HERC2: variants seen among roughly 807,000 people sequenced by gnomAD.
The protein encoded by HERC2 is HECT and RLD domain containing E3 ubiquitin protein ligase 2.
HERC2 carries 102 observed loss-of-function variants against 537.7 expected under a neutral mutation model. That is an observed-to-expected ratio of 0.19 (90% CI 0.16 to 0.22). The LOEUF (loss-of-function observed/expected upper bound fraction) is 0.22, where lower values mean the gene tolerates loss of function less well. Ranked by LOEUF, HERC2 falls within the 10% of genes least tolerant of loss-of-function variation. The probability of loss-of-function intolerance (pLI) is 1.00; values close to 1 mark genes in which losing one functional copy is unlikely to be tolerated. For synonymous variants in HERC2, 2,224 were observed against 2,466.2 expected (o/e 0.90, Z 2.91); for missense variants, 4,236 against 6,198.2 (o/e 0.68, Z 10.63).
intron 3 of HERC2, among the ~76,000 whole-genome samples, chr15:28,294,400 A>T (rs952934162): frequency 6.7e-6 from 1 of 150,020 alleles, no homozygotes. Flanking sequence ...ACTGCTAAAC[A>T]CTAAGGACAA....
Position 28,215,604 on chromosome 15 carries a change from G to A in HERC2, c.6210+17C>T, listed in dbSNP as rs1418346019. Reference sequence around the variant, plus strand: ...AGGCCTCTCTCAGGGAACTGGTTTTGCCTGGCAGCACATTACCTGCCTCTG... The same window carrying A: ...AGGCCTCTCTCAGGGAACTGGTTTTACCTGGCAGCACATTACCTGCCTCTG... On this transcript the variant is annotated intron_variant, in intron 39 of 92. Coordinates refer to ENST00000261609, the MANE Select transcript of HERC2 (RefSeq NM_004667.6). 1.9e-6 allele frequency: 3 copies of A among 1,585,902 alleles called. No homozygotes were observed. Among genetic ancestry groups the A allele is most frequent in the Admixed American group, 1.7e-5 (1 of 57,744 alleles).
chr15:28,136,483 TC>T (rs1169779011), intron 78 of HERC2, among the ~76,000 whole-genome samples: 1 of 152,216 alleles, frequency 6.6e-6, no homozygotes, highest in African/African-American at 2.4e-5. Flanking sequence ...TCCCAGGACT[TC>T]CTATAGAAAG....
intron 2 of HERC2, among the ~76,000 whole-genome samples, chr15:28,310,003 C>G (rs895151475): frequency 1.3e-5 from 2 of 152,170 alleles, no homozygotes; most frequent in Non-Finnish European, 2.9e-5. Context: ...GAGGTAAACT[C>G]CTTCCAAAAA....
chr15:28,193,550 C>A (rs925912301), intron 52 of HERC2, among the ~76,000 whole-genome samples: 4 of 152,138 alleles, frequency 2.6e-5, no homozygotes, highest in Non-Finnish European at 4.4e-5. Flanking sequence ...GCAGAGGCAA[C>A]ATGTGAAGAA....
At position 28,255,852 on chromosome 15, in the gene HERC2, G is replaced by A. The variant is rs752741625; in HGVS notation, c.2871+20C>T. ...TGATCTCAGTGCACCACCAGGTCAC[G>A]TGTGCCTCCAAAGCCATACCTGGAT... On this transcript the variant is annotated intron_variant, in intron 19 of 92. Transcript: ENST00000261609. 38 of 1,596,230 alleles carry A rather than the reference G, an allele frequency of 2.4e-5. No individual in the cohort carries two copies. The highest frequency in any genetic ancestry group is 2.2e-4 in the Middle Eastern group (1 of 4,612).
In HERC2 at chr15:28,220,465, T is replaced by G. The variant is rs550426642; in HGVS notation, c.5832A>C (p.Thr1944=). The G allele has an allele frequency of 6.2e-7, 1 of 1,606,612 alleles. No homozygotes were observed. Among genetic ancestry groups the G allele is most frequent in the Admixed American group, 1.7e-5 (1 of 60,022 alleles). ...TGAGTCACCCACCAGAGTCATCCTC[T>G]GTGTCCGAATCCTCTGCTGAGGGCT... ...AAQPSAEDSD[T]EDDSEAEQTE... is the part of the protein sequence containing the mutation. The change falls in exon 37 of 93, where the codon ACA becomes ACC. Residue 1944 remains threonine, a synonymous_variant. Transcript: ENST00000261609.
At chr15:28,315,183 G>A (rs1290105793) in intron 2 of HERC2, among the ~76,000 whole-genome samples, 1 of 152,170 alleles carries the variant, frequency 6.6e-6, no homozygotes, top group Non-Finnish European at 1.5e-5. Flanking sequence ...GTCCAAGGAG[G>A]AAAGAAAAAG....
intron 2 of HERC2, among the ~76,000 whole-genome samples, chr15:28,312,590 C>T (rs1267786548): frequency 1.3e-5 from 2 of 151,984 alleles, no homozygotes; most frequent in Admixed American, 1.3e-4. Context: ...CTGATCACAC[C>T]ACAGCATTCC....
intron 34 of HERC2, 124 bp downstream of exon 34, chr15:28,229,071 T>C: frequency 1.1e-6 from 1 of 923,210 alleles, no homozygotes; most frequent in South Asian, 1.4e-5. Context: ...GCATAGATTA[T>C]ACAAGTACAA....
chr15:28,144,605 T>A, intron 72 of HERC2, 68 bp downstream of exon 72: 1 of 1,607,178 alleles, frequency 6.2e-7, no homozygotes, highest in Non-Finnish European at 8.5e-7. Flanking sequence ...TGTGCACGTG[T>A]CCCTGTTGCT....
rs773233471 is a variant in HERC2, at chr15:28,191,948, T to A, written c.8451+13A>T. On this transcript the variant is annotated intron_variant, in intron 53 of 92. Transcript: ENST00000261609. ...TGTGAAAGTGCCCGCTGCTGTGCCC[T>A]ATTAGATGCTACCTTTCCTTGCGAC... 6.2e-7 allele frequency: 1 copy of A among 1,610,578 alleles called. No homozygotes were observed.
In HERC2 at chr15:28,202,401, C is replaced by G. The variant is rs781281900; in HGVS notation, c.7426G>C (p.Glu2476Gln). ...MEMGFSRRNIEFALKSLTGAS... is the reference protein window; with the variant it reads ...MEMGFSRRNIQFALKSLTGAS... ...CCAGTGAGAGACTTCAGGGCAAACT[C>G]GATGTTCCTTCTGGAAAATCCCATC... The change falls in exon 46 of 93, where the codon GAG (glutamate) becomes CAG (glutamine). Residue 2476 changes from glutamate to glutamine, a missense_variant. Around this residue, in one of 27 missense-constraint regions of HERC2, gnomAD observed 606 missense variants for 884.5 expected, o/e 0.69. Coordinates refer to ENST00000261609, the MANE Select transcript of HERC2 (RefSeq NM_004667.6). 15 of 1,612,890 alleles carry G rather than the reference C, an allele frequency of 9.3e-6. No individual in the cohort carries two copies. Among genetic ancestry groups the G allele is most frequent in the Non-Finnish European group, 1.3e-5 (15 of 1,179,300 alleles).
Position 28,229,654 on chromosome 15 carries a change from C to G in HERC2, c.4983+20G>C. 2 of 1,610,004 alleles carry G rather than the reference C, an allele frequency of 1.2e-6. No individual in the cohort carries two copies. The highest frequency in any genetic ancestry group is 1.7e-6 in the Non-Finnish European group (2 of 1,178,028). On this transcript the variant is annotated intron_variant, in intron 32 of 92. Coordinates refer to ENST00000261609, the MANE Select transcript of HERC2 (RefSeq NM_004667.6). The stretch of plus-strand genomic sequence containing the variant: ...ATGTATATTACCCAATGCAGAGAAG[C>G]ATTTCTCATCAAATGTTACCTGTTT...
At position 28,111,689 on chromosome 15, in the gene HERC2, G is replaced by A; in HGVS notation, c.*74C>T. Reference sequence around the variant, plus strand: ...CGCTTCTCATCAGACACACCAGGCAGCCTACAGTCTACACAGCAGCGAGCG... The same window carrying A: ...CGCTTCTCATCAGACACACCAGGCAACCTACAGTCTACACAGCAGCGAGCG... On this transcript the variant is annotated 3_prime_UTR_variant, in exon 93 of 93. Coordinates refer to ENST00000261609, the MANE Select transcript of HERC2 (RefSeq NM_004667.6). 1 of 1,506,718 alleles carries A rather than the reference G, an allele frequency of 6.6e-7. No homozygotes were observed. The highest frequency in any genetic ancestry group is 1.8e-5 in the Admixed American group (1 of 56,526). 93.3% of individuals were successfully genotyped at this position (1,506,718 alleles called of 1,614,324 possible). A position where few individuals can be genotyped will look rare whatever the true frequency, so the allele number is the denominator to read the frequency against.
At chr15:28,250,976 T>C (rs1327917592) in intron 20 of HERC2, among the ~76,000 whole-genome samples, 5 of 152,176 alleles carry the variant, frequency 3.3e-5, no homozygotes, top group Non-Finnish European at 7.3e-5. Context: ...ACATCCTTAT[T>C]ACAAATCTGC....
intron 44 of HERC2, among the ~76,000 whole-genome samples, chr15:28,209,918 A>G (rs921810009): frequency 6.7e-6 from 1 of 150,218 alleles, no homozygotes; most frequent in African/African-American, 2.4e-5. Flanking sequence ...GGAGGCCATA[A>G]CGACACTGTT....
At chr15:28,246,478 A>G (rs1230486186) in intron 22 of HERC2, among the ~76,000 whole-genome samples, 2 of 152,184 alleles carry the variant, frequency 1.3e-5, no homozygotes, top group African/African-American at 4.8e-5. Context: ...AAAATTAGAC[A>G]ATTACCTTTG....
intron 9 of HERC2, chr15:28,271,955 C>T (rs368137638): frequency 3.8e-5 from 19 of 501,078 alleles, no homozygotes; most frequent in East Asian, 3.3e-4. Context: ...CCGCTATTTT[C>T]GTTGTTCTTT....
At chr15:28,248,342 T>C (rs1210595778) in intron 21 of HERC2, among the ~76,000 whole-genome samples, 2 of 152,212 alleles carry the variant, frequency 1.3e-5, no homozygotes, top group Non-Finnish European at 2.9e-5. Flanking sequence ...CTAAAGAATT[T>C]AAATATTAAG....
Sources: allele counts gnomAD v4.1 joint callset (sites outside exome capture counted in the v4.1 genomes callset), GRCh38; gene constraint gnomAD v4.1.1; regional missense constraint gnomAD v4.1.1; transcripts MANE v1.5; gene names NCBI Gene and HGNC (gene_info 2026-07-23, HGNC 2026-07-21).